Variants in TSGA10 observed in about 807,000 individuals in gnomAD.
The protein encoded by TSGA10 is testis specific 10, also known as testis-specific gene 10 protein.
A neutral mutation model predicts 96.6 loss-of-function variants in TSGA10; 43 were observed. The ratio of observed to expected loss-of-function variants is 0.44; its 90% confidence interval spans 0.35 to 0.57. The LOEUF is 0.57. Ranked by LOEUF, TSGA10 falls within the 20% of genes least tolerant of loss-of-function variation. TSGA10 has a pLI of 0.01. For synonymous variants in TSGA10, 229 were observed against 269.9 expected (o/e 0.85, Z 1.48); for missense variants, 703 against 834.4 (o/e 0.84, Z 1.94).
intron 16 of TSGA10, among the ~76,000 whole-genome samples, chr2:99,057,022 C>A (rs2084081621): frequency 6.6e-6 from 1 of 151,958 alleles, no homozygotes; most frequent in South Asian, 2.1e-4. Context: ...AAATCCAACA[C>A]CCTTTTTGAT....
chr2:99,076,332 A>T (rs922302701), intron 12 of TSGA10, among the ~76,000 whole-genome samples: 7 of 152,110 alleles, frequency 4.6e-5, no homozygotes, highest in Non-Finnish European at 8.8e-5. Flanking sequence ...TGTCCCTGTC[A>T]CTACTCTCAT....
intron 16 of TSGA10, among the ~76,000 whole-genome samples, chr2:99,046,675 G>A (rs1479362241): frequency 6.6e-6 from 1 of 152,064 alleles, no homozygotes; most frequent in Non-Finnish European, 1.5e-5. Context: ...AGAGAAGCAA[G>A]AGCAAACACA....
chr2:99,141,278 C>T, intron 1 of TSGA10: 1 of 664,036 alleles, frequency 1.5e-6, no homozygotes, highest in Non-Finnish European at 2.0e-6. Flanking sequence ...ACGGAGCCCG[C>T]GGGAAGGAGG....
At chr2:99,144,649 C>CAAAAGAAAA (rs2093613483) in intron 1 of TSGA10, among the ~76,000 whole-genome samples, 1 of 52,272 alleles carries the variant, frequency 1.9e-5, no homozygotes, top group Admixed American at 2.7e-4. Context: ...AACTCTGTCT[C>CAAAAGAAAA]AAAAAAAAAA....
chr2:99,149,396 T>A (rs2093665391), intron 1 of TSGA10, among the ~76,000 whole-genome samples: 1 of 150,242 alleles, frequency 6.7e-6, no homozygotes, highest in African/African-American at 2.4e-5. Flanking sequence ...TAGGCTCCCC[T>A]CCTTTGGGAA....
intron 17 of TSGA10, among the ~76,000 whole-genome samples, chr2:99,025,362 GT>G (rs1450472822): frequency 1.3e-5 from 2 of 152,088 alleles, no homozygotes; most frequent in African/African-American, 4.8e-5. Context: ...AATAGTTTGT[GT>G]TTTTCTGGAA....
chr2:99,098,222 G>C (rs1459882200), intron 10 of TSGA10, among the ~76,000 whole-genome samples: 4 of 151,896 alleles, frequency 2.6e-5, no homozygotes, highest in African/African-American at 7.3e-5. Flanking sequence ...TGGATCACGA[G>C]GTCAGGAGTT....
chr2:99,016,860 A>C (rs2079555161), intron 20 of TSGA10, among the ~76,000 whole-genome samples: 1 of 152,234 alleles, frequency 6.6e-6, no homozygotes, highest in Non-Finnish European at 1.5e-5. Flanking sequence ...AACAATTCTC[A>C]AAAGAATATA....
intron 2 of TSGA10, chr2:99,125,678 G>A (rs1459955104): frequency 6.6e-6 from 1 of 152,142 alleles, no homozygotes; most frequent in Non-Finnish European, 1.5e-5. Context: ...CTAAAAAGAA[G>A]GGACATTGCC....
intron 20 of TSGA10, among the ~76,000 whole-genome samples, chr2:99,008,613 T>C (rs1045878056): frequency 6.6e-6 from 1 of 152,218 alleles, no homozygotes; most frequent in African/African-American, 2.4e-5. Flanking sequence ...GAGGGGAATG[T>C]GGCACTGTCT....
intron 2 of TSGA10, among the ~76,000 whole-genome samples, chr2:99,124,262 T>A (rs2092715149): frequency 6.6e-6 from 1 of 152,354 alleles, no homozygotes; most frequent in East Asian, 1.9e-4. Flanking sequence ...CATTTGTATA[T>A]CTTCTTTGGA....
At chr2:99,090,871 C>G (rs1316162885) in intron 10 of TSGA10, among the ~76,000 whole-genome samples, 1 of 152,170 alleles carries the variant, frequency 6.6e-6, no homozygotes, top group Non-Finnish European at 1.5e-5. Context: ...TTGAAGAAAA[C>G]TTCCCTAGCC....
intron 2 of TSGA10, chr2:99,118,927 C>T (rs1303308738): frequency 1.3e-5 from 2 of 150,314 alleles, no homozygotes; most frequent in Admixed American, 6.6e-5. Flanking sequence ...ATTTATTGAG[C>T]ACCTATTGTG....
At chr2:99,120,722 C>T (rs79269452) in intron 2 of TSGA10, among the ~76,000 whole-genome samples, 414 of 152,232 alleles carry the variant, frequency 2.7e-3, no homozygotes, top group African/African-American at 9.4e-3. Flanking sequence ...CCCAGATACA[C>T]CATGTGCATG....
intron 16 of TSGA10, among the ~76,000 whole-genome samples, chr2:99,052,999 T>C (rs920952081): frequency 1.3e-5 from 2 of 151,878 alleles, no homozygotes; most frequent in Admixed American, 6.6e-5. Flanking sequence ...GAGACAGATA[T>C]TGCAGTGAGC....
chr2:99,097,253 T>A (rs1316297077), intron 10 of TSGA10, among the ~76,000 whole-genome samples: 1 of 151,926 alleles, frequency 6.6e-6, no homozygotes, highest in Non-Finnish European at 1.5e-5. Flanking sequence ...AAACTTAAAT[T>A]CAGACAAAAT....
At position 99,105,632 on chromosome 2, in the gene TSGA10, T is replaced by C; in HGVS notation, c.276A>G (p.Thr92=). The C allele has an allele frequency of 6.2e-7, 1 of 1,607,866 alleles. No individual in the cohort carries two copies. The highest frequency in any genetic ancestry group is 1.3e-5 in the African/African-American group (1 of 74,964). ...CTCGCCGGAGAATAGCATGTGCCGTTGTTGATTTAGGACTCTTACAGCTTT... is the reference window on the plus strand; with the variant it reads ...CTCGCCGGAGAATAGCATGTGCCGTCGTTGATTTAGGACTCTTACAGCTTT... The part of the protein sequence containing the change: ...MMKSCKSPKS[T]TAHAILRRVE... Residue 92 remains threonine, a synonymous_variant, in exon 8 of 21, where the codon ACA becomes ACG. Coordinates refer to ENST00000393483, the MANE Select transcript of TSGA10 (RefSeq NM_025244.4).
intron 2 of TSGA10, among the ~76,000 whole-genome samples, chr2:99,123,968 G>A (rs2092704031): frequency 6.6e-6 from 1 of 152,142 alleles, no homozygotes; most frequent in Non-Finnish European, 1.5e-5. Context: ...TGGAGTCCGT[G>A]TTTTCAACTC....
At chr2:99,017,236 A>C (rs976949350) in intron 20 of TSGA10, among the ~76,000 whole-genome samples, 2 of 152,228 alleles carry the variant, frequency 1.3e-5, no homozygotes, top group Non-Finnish European at 2.9e-5. Flanking sequence ...TTGCAATTGC[A>C]AAAATATGGA....
Sources: allele counts gnomAD v4.1 joint callset (sites outside exome capture counted in the v4.1 genomes callset), GRCh38; gene constraint gnomAD v4.1.1; transcripts MANE v1.5; gene names NCBI Gene and HGNC (gene_info 2026-07-23, HGNC 2026-07-21).